KAZN: variants seen among roughly 807,000 people sequenced by gnomAD.
KAZN encodes kazrin, periplakin interacting protein.
In KAZN, 40 loss-of-function variants were observed where a neutral mutation model predicts 87.4. The observed-to-expected ratio is 0.46, with a 90% CI of 0.36 to 0.60. KAZN has a LOEUF of 0.60. Ranked by LOEUF, KAZN falls within the 20% of genes least tolerant of loss-of-function variation. KAZN has a pLI of 0.00. For missense variants in KAZN, 898 were observed against 1,073.9 expected (o/e 0.84, Z 2.29); for synonymous variants, 466 against 458.3 (o/e 1.02, Z -0.22).
intron 1 of KAZN, among the ~76,000 whole-genome samples, chr1:14,922,397 G>A (rs1203120766): frequency 6.6e-6 from 1 of 152,152 alleles, no homozygotes; most frequent in Non-Finnish European, 1.5e-5. Context: ...TAAAGGAGAG[G>A]AATTAGGGGA....
intron 2 of KAZN, among the ~76,000 whole-genome samples, chr1:15,001,870 CTTTTTTTTTTTTTTTT>C (rs34948148): frequency 1.7e-5 from 1 of 57,764 alleles, no homozygotes; most frequent in Non-Finnish European, 3.0e-5. Context: ...AAGTCAAAAT[CTTTTTTTTTTTTTTTT>C]TTTTTTTTTT....
intron 2 of KAZN, among the ~76,000 whole-genome samples, chr1:14,455,826 C>T (rs1667537644): frequency 1.3e-5 from 2 of 152,150 alleles, no homozygotes; most frequent in South Asian, 2.1e-4. Flanking sequence ...CCCTCTGGCT[C>T]AGAGGGAGTT....
chr1:14,192,315 C>T (rs916645167), intron 2 of KAZN, among the ~76,000 whole-genome samples: 9 of 152,128 alleles, frequency 5.9e-5, no homozygotes, highest in African/African-American at 2.2e-4. Flanking sequence ...CCTTTATATG[C>T]AATACTGTCC....
chr1:14,924,705 G>C lies in KAZN; in HGVS notation c.227-35979G>C, dbSNP rs945906528. On this transcript the variant is annotated intron_variant, in intron 1 of 14. Coordinates refer to ENST00000376030, the MANE Select transcript of KAZN (RefSeq NM_201628.3). ...TGGCAAAGTTCTCGCAGCGCGCGGA[G>C]CCCCGAGCCCCGGGCGGGTGCAGCG... 7 of 376,384 alleles carry C rather than the reference G, an allele frequency of 1.9e-5. No homozygotes were observed. The Admixed American group carries it at 3.8e-4, about 21-fold the overall frequency. The allele number at this position is 376,384 out of a possible 1,614,324, so 23.3% of individuals were successfully genotyped here.
At chr1:14,540,045 T>C (rs1010812445) in intron 2 of KAZN, among the ~76,000 whole-genome samples, 3 of 152,134 alleles carry the variant, frequency 2.0e-5, no homozygotes, top group Non-Finnish European at 4.4e-5. Context: ...GAGAGAGGGA[T>C]GTGAAAAGTC....
rs931009042 is a variant in KAZN at position 15,101,702 on chromosome 1, G to A, written c.1707G>A (p.Val569=). 7.5e-6 allele frequency: 12 copies of A among 1,595,770 alleles called. No individual in the cohort carries two copies. The highest frequency in any genetic ancestry group is 1.0e-5 in the Non-Finnish European group (12 of 1,171,064). Residue 569 remains valine, a synonymous_variant, in exon 11 of 15, where the codon GTG becomes GTA. Transcript: ENST00000376030. ...MKRDLEKHLN[V]SKKFHQVSIL... The stretch of plus-strand genomic sequence containing the variant: ...GAGACCTGGAGAAGCACCTGAACGT[G>A]TCCAAGAAGTTCCACCAGGTCAGCA...
chr1:14,505,568 G>T (rs1670537320), intron 2 of KAZN, among the ~76,000 whole-genome samples: 1 of 152,112 alleles, frequency 6.6e-6, no homozygotes, highest in Non-Finnish European at 1.5e-5. Flanking sequence ...AAATAAATTT[G>T]ATTACTCTAG....
chr1:14,720,972 T>C (rs1557914988), intron 1 of KAZN, among the ~76,000 whole-genome samples: 1 of 152,224 alleles, frequency 6.6e-6, no homozygotes, highest in Non-Finnish European at 1.5e-5. Flanking sequence ...GATGACCAGT[T>C]CTGGCTTGGC....
At chr1:14,062,346 G>C (rs962134378) in intron 1 of KAZN, among the ~76,000 whole-genome samples, 2 of 152,128 alleles carry the variant, frequency 1.3e-5, no homozygotes, top group Admixed American at 6.5e-5. Flanking sequence ...GCTTAATAAG[G>C]AGAATCAGCC....
chr1:14,536,838 C>T (rs756353207), intron 2 of KAZN, among the ~76,000 whole-genome samples: 20 of 151,980 alleles, frequency 1.3e-4, no homozygotes, highest in African/African-American at 3.9e-4. Context: ...GCCGAGATCA[C>T]GCCATTGCAC....
chr1:14,497,020 A>G (rs1669978245), intron 2 of KAZN, among the ~76,000 whole-genome samples: 1 of 152,190 alleles, frequency 6.6e-6, no homozygotes, highest in South Asian at 2.1e-4. Context: ...ATATACTTGA[A>G]TGCAACATTG....
intron 2 of KAZN, among the ~76,000 whole-genome samples, chr1:14,286,570 AT>A (rs1055743922): frequency 6.6e-6 from 1 of 152,198 alleles, no homozygotes; most frequent in Non-Finnish European, 1.5e-5. Context: ...ATTAGCCATT[AT>A]TACACACTAT....
At chr1:14,027,419 A>G (rs1002288594) in intron 1 of KAZN, among the ~76,000 whole-genome samples, 8 of 152,106 alleles carry the variant, frequency 5.3e-5, no homozygotes, top group African/African-American at 1.4e-4. Context: ...TAAATTAATA[A>G]CATTTAAATT....
intron 8 of KAZN, among the ~76,000 whole-genome samples, chr1:15,069,834 G>C (rs1639427449): frequency 6.6e-6 from 1 of 152,124 alleles, no homozygotes; most frequent in Non-Finnish European, 1.5e-5. Context: ...TACACAAGCT[G>C]CATGACTGTA....
chr1:14,884,153 G>A (rs1440434054), intron 1 of KAZN, among the ~76,000 whole-genome samples: 1 of 152,138 alleles, frequency 6.6e-6, no homozygotes, highest in Admixed American at 6.5e-5. Context: ...CAGCACTTTG[G>A]GAGGCCGAGG....
chr1:14,479,430 G>T (rs780484621), intron 2 of KAZN, among the ~76,000 whole-genome samples: 8 of 152,180 alleles, frequency 5.3e-5, no homozygotes, highest in Non-Finnish European at 1.0e-4. Flanking sequence ...GCATTCATAA[G>T]AATCAATGGC....
chr1:14,680,222 C>T (rs1640486787), intron 1 of KAZN, among the ~76,000 whole-genome samples: 1 of 152,108 alleles, frequency 6.6e-6, no homozygotes, highest in Admixed American at 6.5e-5. Context: ...TTGACAAGTG[C>T]ATACACTGAT....
chr1:14,796,154 G>C (rs981687569), intron 1 of KAZN, among the ~76,000 whole-genome samples: 2 of 152,122 alleles, frequency 1.3e-5, no homozygotes, highest in African/African-American at 4.8e-5. Context: ...CTCCGTTCTG[G>C]TCCTGGTTCT....
chr1:15,037,646 G>A (rs1672476392), intron 3 of KAZN, among the ~76,000 whole-genome samples: 1 of 152,016 alleles, frequency 6.6e-6, no homozygotes, highest in African/African-American at 2.4e-5. Flanking sequence ...ATTTGATCAT[G>A]AAAATTCCAC....
Sources: allele counts gnomAD v4.1 joint callset (sites outside exome capture counted in the v4.1 genomes callset), GRCh38; gene constraint gnomAD v4.1.1; transcripts MANE v1.5; gene names NCBI Gene and HGNC (gene_info 2026-07-23, HGNC 2026-07-21).